SNAP47: variants seen among roughly 807,000 people sequenced by gnomAD.
SNAP47 encodes the protein synaptosomal-associated protein 47.
SNAP47 carries 20 observed loss-of-function variants against 31.4 expected under a neutral mutation model. That is an observed-to-expected ratio of 0.64 (90% CI 0.45 to 0.93). The LOEUF (loss-of-function observed/expected upper bound fraction) is 0.93. Ranked by LOEUF, SNAP47 falls within the 40% of genes least tolerant of loss-of-function variation. The probability of loss-of-function intolerance (pLI) is 0.00; values close to 1 mark genes in which losing one functional copy is unlikely to be tolerated. For missense variants in SNAP47, 492 were observed against 528.5 expected, an observed-to-expected ratio of 0.93 and a Z score of 0.68; for synonymous variants, 194 against 213.4, an observed-to-expected ratio of 0.91 and a Z score of 0.79.
chr1:227,771,634 CA>C (rs1663812076), intron 4 of SNAP47, among the ~76,000 whole-genome samples: 2 of 151,942 alleles, frequency 1.3e-5, no homozygotes, highest in South Asian at 4.2e-4. Flanking sequence ...AACGCCTGCT[CA>C]CCCGCCTCTG....
intron 1 of SNAP47, among the ~76,000 whole-genome samples, chr1:227,729,077 G>T (rs1314872345): frequency 1.3e-5 from 2 of 152,246 alleles, no homozygotes; most frequent in Non-Finnish European, 2.9e-5. Flanking sequence ...GCGTCTGCAG[G>T]ATTCTGCCCG....
intron 4 of SNAP47, among the ~76,000 whole-genome samples, chr1:227,771,073 TAGCC>T (rs1411394073): frequency 6.6e-6 from 1 of 152,158 alleles, no homozygotes; most frequent in Admixed American, 6.5e-5. Flanking sequence ...CCTCCGAGGC[TAGCC>T]AGGCAGGAGT....
upstream of SNAP47, chr1:227,730,421 A>T (rs1227857382): frequency 9.6e-6 from 1 of 104,182 alleles, no homozygotes; most frequent in East Asian, 3.4e-4. Context: ...CCCTGGTGTC[A>T]GCATTTTTTT....
At chr1:227,729,556 G>A (rs1016679731) in intron 1 of SNAP47, among the ~76,000 whole-genome samples, 2 of 152,178 alleles carry the variant, frequency 1.3e-5, no homozygotes, top group Non-Finnish European at 2.9e-5. Flanking sequence ...GTGGCTCTCA[G>A]GGATGCCCCA....
chr1:227,747,943 C>A lies in SNAP47; in HGVS notation c.207C>A (p.Thr69=). The A allele has an allele frequency of 1.2e-6, 2 of 1,614,246 alleles. No individual in the cohort carries two copies. Among genetic ancestry groups the A allele is most frequent in the Non-Finnish European group, 1.7e-6 (2 of 1,180,050 alleles). ...EASHFIFSSI[T]ILEKGHAKHW... The stretch of plus-strand genomic sequence containing the variant: ...CACATTTTATCTTCAGCTCCATCAC[C>A]ATCCTGGAGAAGGGCCATGCCAAGC... Residue 69 remains threonine (T), a synonymous_variant, in exon 2 of 5, where the codon ACC becomes ACA. Transcript: ENST00000617596.
intron 4 of SNAP47, chr1:227,770,542 C>G (rs529408043): frequency 1.3e-5 from 2 of 154,942 alleles, no homozygotes; most frequent in East Asian, 3.9e-4. Context: ...GGTAACATCC[C>G]TTTCTTTCCT....
intron 2 of SNAP47, among the ~76,000 whole-genome samples, chr1:227,757,932 C>T (rs1662794261): frequency 6.6e-6 from 1 of 152,092 alleles, no homozygotes; most frequent in Admixed American, 6.5e-5. Context: ...CTCCCCCCAG[C>T]ATACCCACTG....
intron 1 of SNAP47, among the ~76,000 whole-genome samples, chr1:227,742,887 G>A (rs1163094496): frequency 6.6e-6 from 1 of 152,232 alleles, no homozygotes; most frequent in Non-Finnish European, 1.5e-5. Flanking sequence ...ATAGTCCAGA[G>A]CCTGCTGGGT....
chr1:227,744,854 C>T (rs1661856057), intron 1 of SNAP47, among the ~76,000 whole-genome samples: 1 of 152,166 alleles, frequency 6.6e-6, no homozygotes, highest in African/African-American at 2.4e-5. Flanking sequence ...CCTGGGAGCG[C>T]CCTGCTGACC....
At chr1:227,733,558 C>A, upstream of SNAP47, 1 of 1,606,262 alleles carries the variant, frequency 6.2e-7, no homozygotes, top group African/African-American at 1.3e-5. Flanking sequence ...CGTCGTAGGG[C>A]AGGTTGCCGT....
Position 227,780,910 on chromosome 1 carries a change from TGCA to T in SNAP47, c.*239_*241del. ...ACCCGGCCACATGTTCTGCGGATGC[TGCA>T]GAAGTGTGGACCATGGCGGGACCCC... is the stretch of plus-strand genomic sequence containing the variant. On this transcript the variant is annotated 3_prime_UTR_variant, in exon 5 of 5. Coordinates refer to ENST00000617596, the MANE Select transcript of SNAP47 (RefSeq NM_053052.4). The T allele has an allele frequency of 1.7e-6, 1 of 571,462 alleles. No individual in the cohort carries two copies. 35.4% of individuals were successfully genotyped at this position (571,462 alleles called of 1,614,324 possible). A position where few individuals can be genotyped will look rare whatever the true frequency, so the allele number is the denominator to read the frequency against.
chr1:227,748,351 A>T (rs1222230118), intron 2 of SNAP47, 118 bp downstream of exon 2: 2 of 1,178,492 alleles, frequency 1.7e-6, no homozygotes, highest in Non-Finnish European at 2.3e-6. Flanking sequence ...GCATTCTGAG[A>T]TCCTGGCTGT....
chr1:227,733,031 G>T (rs771870526), upstream of SNAP47: 4 of 1,613,412 alleles, frequency 2.5e-6, no homozygotes, highest in Non-Finnish European at 3.4e-6. Flanking sequence ...TGTCATCCTG[G>T]AAGGGGCACA....
intron 4 of SNAP47, among the ~76,000 whole-genome samples, chr1:227,775,403 C>T (rs1236264736): frequency 6.6e-6 from 1 of 152,188 alleles, no homozygotes; most frequent in East Asian, 1.9e-4. Flanking sequence ...AATGACACGG[C>T]CAGGGCAGCC....
intron 1 of SNAP47, among the ~76,000 whole-genome samples, chr1:227,737,999 T>C (rs1235300848): frequency 6.6e-6 from 1 of 152,062 alleles, no homozygotes; most frequent in Non-Finnish European, 1.5e-5. Context: ...GGGGTTTTTT[T>C]GCTTTGGTTT....
rs1046766896 is a variant in SNAP47 at position 227,775,823 on chromosome 1, T to C, written c.1114-4704T>C. The C allele has an allele frequency of 6.9e-6, 9 of 1,304,008 alleles. No individual in the cohort carries two copies. The African/African-American group carries it at 1.4e-4, about 20-fold the overall frequency. 80.8% of individuals were successfully genotyped at this position (1,304,008 alleles called of 1,614,324 possible). A position where few individuals can be genotyped will look rare whatever the true frequency, so the allele number is the denominator to read the frequency against. ...CCTATGTCGCTGTCAACCCAGACAG[T>C]GTTGGTGATGCTTTGCTCCGAGTCT... On this transcript the variant is annotated intron_variant, in intron 4 of 4. Transcript: ENST00000617596.
At chr1:227,749,350 T>C (rs1305358457) in intron 2 of SNAP47, among the ~76,000 whole-genome samples, 1 of 152,154 alleles carries the variant, frequency 6.6e-6, no homozygotes, top group Non-Finnish European at 1.5e-5. Context: ...GAAAGTTTAC[T>C]CCCTCTGCCC....
rs758541678 is a variant in SNAP47 at position 227,766,995 on chromosome 1, C to T, written c.1025C>T (p.Pro342Leu). The change falls in exon 4 of 5, where the codon CCA becomes CTA. Residue 342 changes from proline (P) to leucine (L), a missense_variant. Physicochemically the swap from Pro to Leu is moderately conservative, Grantham distance 98. Transcript: ENST00000617596. ...GLMGRTLHRE[P>L]PAGDQEGTAL... ...ATGGGCCGTACCCTGCACCGTGAGC[C>T]ACCCGCAGGAGACCAGGAGGGCACA... 6.2e-7 allele frequency: 1 copy of T among 1,613,992 alleles called. No homozygotes were observed. Among genetic ancestry groups the T allele is most frequent in the Non-Finnish European group, 8.5e-7 (1 of 1,180,048 alleles).
intron 1 of SNAP47, among the ~76,000 whole-genome samples, chr1:227,740,247 G>A (rs951951176): frequency 1.3e-5 from 2 of 152,220 alleles, no homozygotes; most frequent in Admixed American, 1.3e-4. Flanking sequence ...AGAGGGCAGG[G>A]GAAGGCCAGG....
Sources: gnomAD v4.1 joint callset for allele counts (sites outside exome capture counted in the v4.1 genomes callset) on GRCh38, gnomAD v4.1.1 for gene constraint, MANE v1.5 for transcripts, NCBI Gene and HGNC (gene_info 2026-07-23, HGNC 2026-07-21) for gene names.